Variants in ANXA8 observed in about 807,000 individuals in gnomAD.
ANXA8 encodes the protein VAC-beta.
A neutral mutation model predicts 26.8 loss-of-function variants in ANXA8; 9 were observed. The ratio of observed to expected loss-of-function variants is 0.34; its 90% CI spans 0.20 to 0.59. The LOEUF is 0.59. ANXA8 is among the 20% of genes least tolerant of loss of function. The probability of loss-of-function intolerance (pLI) is 0.84; values close to 1 mark genes in which losing one functional copy is unlikely to be tolerated. For missense variants in ANXA8, 83 were observed against 238.5 expected (o/e 0.35, Z 4.29); for synonymous variants, 39 against 94.8 (o/e 0.41, Z 3.42).
At chr10:47,928,454 A>G in the ANXA8 span, among the ~76,000 whole-genome samples, 1 of 5,488 alleles carries the variant, frequency 1.8e-4, no homozygotes, top group African/African-American at 7.7e-4. Context: ...ACACAGCTAG[A>G]TAGTGACTGA....
At chr10:47,558,630 C>T in the ANXA8 span, among the ~76,000 whole-genome samples, 1 of 151,594 alleles carries the variant, frequency 6.6e-6, no homozygotes, top group African/African-American at 2.4e-5. Context: ...CTCAAGTTCT[C>T]CTGCCTCAGC....
chr10:47,951,680 G>A, the ANXA8 span, among the ~76,000 whole-genome samples: 4 of 150,006 alleles, frequency 2.7e-5, 1 homozygote, highest in Admixed American at 2.7e-4. Context: ...GTGTGGTGGT[G>A]TACGCATGTA....
chr10:47,690,739 T>A, the ANXA8 span: 2 of 1,589,370 alleles, frequency 1.3e-6, no homozygotes, highest in Non-Finnish European at 1.7e-6. Flanking sequence ...ACTTTTCAGT[T>A]CTGAAGATGA....
chr10:47,693,660 G>A, the ANXA8 span, among the ~76,000 whole-genome samples: 2 of 151,682 alleles, frequency 1.3e-5, no homozygotes, highest in African/African-American at 4.8e-5. Context: ...ACATCCCACT[G>A]GCAATATTAG....
the ANXA8 span, among the ~76,000 whole-genome samples, chr10:47,944,143 A>G: frequency 6.9e-6 from 1 of 145,358 alleles, no homozygotes; most frequent in Non-Finnish European, 1.5e-5. Context: ...GCTGAAACAG[A>G]TTTGGTTTCT....
the ANXA8 span, among the ~76,000 whole-genome samples, chr10:47,622,127 C>A: frequency 1.8e-5 from 2 of 112,114 alleles, 1 homozygote; most frequent in African/African-American, 6.9e-5. Flanking sequence ...TTACCCATCC[C>A]ATTGCCAAAG....
chr10:47,626,998 G>A, the ANXA8 span, among the ~76,000 whole-genome samples: 1 of 149,384 alleles, frequency 6.7e-6, no homozygotes, highest in Non-Finnish European at 1.5e-5. Context: ...GAACCTAACA[G>A]AAACATAAGG....
chr10:47,943,686 C>G, the ANXA8 span, among the ~76,000 whole-genome samples: 1 of 151,618 alleles, frequency 6.6e-6, no homozygotes, highest in Non-Finnish European at 1.5e-5. Context: ...GCAGATTTCT[C>G]TCTATAGTAA....
At chr10:47,734,976 G>A in the ANXA8 span, among the ~76,000 whole-genome samples, 4 of 121,756 alleles carry the variant, frequency 3.3e-5, no homozygotes, top group Non-Finnish European at 3.2e-5. Flanking sequence ...CTGAGATCAC[G>A]CCAGTTCAAC....
intron 11 of ANXA8, among the ~76,000 whole-genome samples, chr10:47,469,597 A>C (rs1839250824): frequency 6.6e-6 from 1 of 151,840 alleles, no homozygotes; most frequent in Non-Finnish European, 1.5e-5. Flanking sequence ...GTAGGTCCTG[A>C]TGGGACTGGC....
the ANXA8 span, among the ~76,000 whole-genome samples, chr10:47,702,696 C>A: frequency 2.0e-5 from 3 of 151,588 alleles, no homozygotes; most frequent in African/African-American, 7.3e-5. Flanking sequence ...TACAGTGGTG[C>A]GATCTCGGCT....
chr10:47,513,502 A>G, the ANXA8 span, among the ~76,000 whole-genome samples: 2 of 142,226 alleles, frequency 1.4e-5, no homozygotes, highest in African/African-American at 5.1e-5. Context: ...CCATCAAAAT[A>G]CCACCATCCT....
At chr10:47,639,928 C>T in the ANXA8 span, among the ~76,000 whole-genome samples, 4 of 147,372 alleles carry the variant, frequency 2.7e-5, no homozygotes, top group African/African-American at 7.7e-5. Context: ...CAGGTGAGCA[C>T]CACCATGTCC....
At chr10:47,591,216 C>A in the ANXA8 span, among the ~76,000 whole-genome samples, 1 of 145,650 alleles carries the variant, frequency 6.9e-6, no homozygotes, top group Non-Finnish European at 1.5e-5. Flanking sequence ...CTAGCACAGG[C>A]GGGTCACTTC....
chr10:47,590,673 C>G, the ANXA8 span, among the ~76,000 whole-genome samples: 1 of 145,990 alleles, frequency 6.8e-6, no homozygotes, highest in Non-Finnish European at 1.5e-5. Context: ...AACTGGAGAG[C>G]CTTGGTGTAG....
chr10:47,674,394 G>C, the ANXA8 span, among the ~76,000 whole-genome samples: 288 of 151,344 alleles, frequency 1.9e-3, 4 homozygotes, highest in Non-Finnish European at 3.4e-3. Context: ...AGCCTCCCAA[G>C]TAGTTGGGAC....
chr10:47,735,323 G>A, the ANXA8 span, among the ~76,000 whole-genome samples: 1 of 145,642 alleles, frequency 6.9e-6, no homozygotes, highest in African/African-American at 2.6e-5. Context: ...TTGAGCTCCT[G>A]GGCTCAACCG....
the ANXA8 span, among the ~76,000 whole-genome samples, chr10:47,648,067 C>G: frequency 6.6e-6 from 1 of 151,868 alleles, no homozygotes; most frequent in Admixed American, 6.6e-5. Flanking sequence ...GCTGCTGTTA[C>G]CTCTGAAGAG....
chr10:47,546,819 A>AT, the ANXA8 span, among the ~76,000 whole-genome samples: 2 of 141,404 alleles, frequency 1.4e-5, no homozygotes, highest in Non-Finnish European at 3.1e-5. Flanking sequence ...CTTTCCATGG[A>AT]TAACTAAAAA....
Sources: gnomAD v4.1 joint callset for allele counts (sites outside exome capture counted in the v4.1 genomes callset) on GRCh38, gnomAD v4.1.1 for gene constraint, MANE v1.5 for transcripts, NCBI Gene and HGNC (gene_info 2026-07-23, HGNC 2026-07-21) for gene names.